Variants in NXPH4 observed in about 807,000 individuals in gnomAD.
NXPH4 encodes neurexophilin-4.
Under a neutral mutation model 21.3 loss-of-function variants are expected in NXPH4, and 8 were observed. The observed-to-expected ratio is 0.38, with a 90% confidence interval of 0.22 to 0.68. The LOEUF is 0.68. Ranked by LOEUF, NXPH4 falls within the 30% of genes least tolerant of loss-of-function variation. The pLI is 0.53. For synonymous variants in NXPH4, 219 were observed against 192.6 expected (o/e 1.14, Z -1.13); for missense variants, 418 against 416.8 (o/e 1.00, Z -0.03).
Position 57,225,854 on chromosome 12 carries a change from C to A in NXPH4, c.*107C>A, listed in dbSNP as rs1291259895. On this transcript the variant is annotated 3_prime_UTR_variant, in exon 2 of 2. Transcript: ENST00000349394. ...CCTGTGGCCATGTCGCCCACTCCTT[C>A]CACTCTGGGGGCGGAGGGGAATGGC... The A allele has an allele frequency of 6.7e-7, 1 of 1,499,584 alleles. No individual in the cohort carries two copies. The highest frequency in any genetic ancestry group is 1.4e-5 in the African/African-American group (1 of 71,462). The allele number at this position is 1,499,584 out of a possible 1,614,324, so 92.9% of individuals were successfully genotyped here.
In NXPH4 at chr12:57,225,896, C is replaced by G. The variant is rs1592676228; in HGVS notation, c.*149C>G. The G allele has an allele frequency of 5.5e-6, 8 of 1,445,568 alleles. No individual in the cohort carries two copies. In the East Asian group the frequency reaches 2.0e-4, roughly 36 times the overall value. 89.5% of individuals were successfully genotyped at this position (1,445,568 alleles called of 1,614,324 possible). A position where few individuals can be genotyped will look rare whatever the true frequency, so the allele number is the denominator to read the frequency against. The stretch of plus-strand genomic sequence containing the variant: ...GGGAATGGCTTCTCGGGACCCTCAG[C>G]TAGCGTGGGTGCCCTTTTCCTTATG... On this transcript the variant is annotated 3_prime_UTR_variant, in exon 2 of 2. Transcript: ENST00000349394.
intron 1 of NXPH4, chr12:57,219,897 A>T (rs1425697211): frequency 6.6e-6 from 1 of 152,602 alleles, no homozygotes; most frequent in African/African-American, 2.4e-5. Flanking sequence ...GAGGTGAGGT[A>T]ATAAGGACAG....
chr12:57,220,539 C>T (rs905041864), intron 1 of NXPH4, among the ~76,000 whole-genome samples: 4 of 152,218 alleles, frequency 2.6e-5, no homozygotes, highest in Admixed American at 6.5e-5. Flanking sequence ...GTCAGGCAGG[C>T]AGGGGTAGAG....
intron 1 of NXPH4, among the ~76,000 whole-genome samples, chr12:57,218,827 G>A (rs914751286): frequency 2.6e-5 from 4 of 152,196 alleles, no homozygotes; most frequent in African/African-American, 9.7e-5. Context: ...GTGGGTATAT[G>A]AGTGTTTGTG....
chr12:57,217,952 A>G (rs1309017813), intron 1 of NXPH4, among the ~76,000 whole-genome samples: 1 of 152,164 alleles, frequency 6.6e-6, no homozygotes, highest in Non-Finnish European at 1.5e-5. Context: ...AGTGAGTGTC[A>G]GTGCCTGCCT....
intron 1 of NXPH4, among the ~76,000 whole-genome samples, chr12:57,222,416 G>C (rs2037101144): frequency 2.0e-5 from 3 of 151,530 alleles, no homozygotes; most frequent in Admixed American, 1.3e-4. Context: ...AATCACCCCA[G>C]CCAGGTTCTG....
At position 57,216,980 on chromosome 12, in the gene NXPH4, T is replaced by C. The variant is rs1349529348; in HGVS notation, c.11T>C (p.Leu4Pro). 4 of 1,603,238 alleles carry C rather than the reference T, an allele frequency of 2.5e-6. No individual in the cohort carries two copies. Among genetic ancestry groups the C allele is most frequent in the South Asian group, 2.2e-5 (2 of 89,428 alleles). The change falls in exon 1 of 2, where the codon CTC (leucine) becomes CCC (proline). Residue 4 changes from leucine (L) to proline (P), a missense_variant. By Grantham distance (98) the Leu-to-Pro change is moderately conservative (BLOSUM62 -3). Coordinates refer to ENST00000349394, the MANE Select transcript of NXPH4 (RefSeq NM_007224.4). This position sits in a 1 kb window ranked among gnomAD's most constrained non-coding sequence, Gnocchi z 5.3. ...CAGCCGCCAGAGAAGATGCGGCTGC[T>C]CCCGGAATGGTTCCTCTTGCTCTTT... MRL[L>P]PEWFLLLFGP...
chr12:57,225,763 A>G lies in NXPH4; in HGVS notation c.*16A>G. On this transcript the variant is annotated 3_prime_UTR_variant, in exon 2 of 2. Coordinates refer to ENST00000349394, the MANE Select transcript of NXPH4 (RefSeq NM_007224.4). ...CTTCGGATAGCGCCCCTCCCCAGCCAGTCCTGAGCCTCCCGCCAAATCCCA... is the reference window on the plus strand; with the variant it reads ...CTTCGGATAGCGCCCCTCCCCAGCCGGTCCTGAGCCTCCCGCCAAATCCCA... The G allele has an allele frequency of 6.3e-7, 1 of 1,598,252 alleles. No homozygotes were observed. The highest frequency in any genetic ancestry group is 8.6e-7 in the Non-Finnish European group (1 of 1,169,276).
intron 1 of NXPH4, 126 bp from the exon 2 acceptor site, chr12:57,224,752 G>T: frequency 2.3e-6 from 1 of 436,704 alleles, no homozygotes; most frequent in Non-Finnish European, 4.0e-6. Flanking sequence ...CTCCCTGCCC[G>T]CTGCGGGACT....
In NXPH4 at chr12:57,225,433, G is replaced by C. The variant is rs776098615; in HGVS notation, c.613G>C (p.Gly205Arg). The change falls in exon 2 of 2, where the codon GGG becomes CGG. Residue 205 changes from glycine to arginine, a missense_variant. Gly to Arg is a moderately radical substitution (Grantham distance 125). Transcript: ENST00000349394. ...AGCAGCAGCGGCGGGGCCCGGGCTT[G>C]GGGGCTCCCTCGGGGGCGCACTGGC... ...MAAAAAGPGL[G>R]GSLGGALAGP... The C allele has an allele frequency of 1.9e-6, 3 of 1,603,136 alleles. No homozygotes were observed. The South Asian group carries it at 3.3e-5, about 18-fold the overall frequency.
At chr12:57,219,357 T>C (rs758721969) in intron 1 of NXPH4, among the ~76,000 whole-genome samples, 5 of 152,142 alleles carry the variant, frequency 3.3e-5, no homozygotes, top group Admixed American at 2.0e-4. Context: ...TCTCATACAG[T>C]CTCTGACTCC....
intron 1 of NXPH4, among the ~76,000 whole-genome samples, chr12:57,222,922 G>C (rs1005039704): frequency 1.3e-5 from 2 of 152,168 alleles, no homozygotes; most frequent in Non-Finnish European, 2.9e-5. Context: ...TGGCGGGGAC[G>C]GGGACCAGGC....
intron 1 of NXPH4, among the ~76,000 whole-genome samples, chr12:57,222,476 T>C (rs1410681295): frequency 1.3e-5 from 2 of 152,150 alleles, no homozygotes; most frequent in Non-Finnish European, 2.9e-5. Flanking sequence ...GGAGATGGCT[T>C]GGAGGCATTT....
intron 1 of NXPH4, among the ~76,000 whole-genome samples, chr12:57,218,884 A>G (rs188816287): frequency 1.4e-4 from 22 of 152,242 alleles, no homozygotes; most frequent in Admixed American, 3.3e-4. Context: ...AGTGTGGCGT[A>G]TGCACATGTA....
chr12:57,223,094 G>A (rs1053761352), intron 1 of NXPH4, among the ~76,000 whole-genome samples: 2 of 152,126 alleles, frequency 1.3e-5, no homozygotes, highest in Admixed American at 1.3e-4. Flanking sequence ...CACCTCCCCA[G>A]AGACCACTCA....
intron 1 of NXPH4, among the ~76,000 whole-genome samples, chr12:57,218,493 C>T (rs1221276547): frequency 6.6e-6 from 1 of 152,230 alleles, no homozygotes; most frequent in East Asian, 1.9e-4. Context: ...ATGGCATTCT[C>T]TTGCCCCTCC....
chr12:57,223,139 G>A lies in NXPH4; in HGVS notation c.58-1739G>A, dbSNP rs115055140. The stretch of plus-strand genomic sequence containing the variant: ...GACATGCATGTATGTCACCCCCATC[G>A]GAACACAGCAAGACCACACTTGTTC... On this transcript the variant is annotated intron_variant, in intron 1 of 1. Coordinates refer to ENST00000349394, the MANE Select transcript of NXPH4 (RefSeq NM_007224.4). 8.6e-3 allele frequency among the ~76,000 whole-genome samples: 1,306 copies of A among 152,212 alleles called. 18 individuals carry two copies. The highest frequency in any genetic ancestry group is 0.03 in the African/African-American group (1,230 of 41,496).
At position 57,225,670 on chromosome 12, in the gene NXPH4, C is replaced by G. The variant is rs1294678481; in HGVS notation, c.850C>G (p.Leu284Val). 3.1e-6 allele frequency: 5 copies of G among 1,613,820 alleles called. No homozygotes were observed. The highest frequency in any genetic ancestry group is 4.2e-6 in the Non-Finnish European group (5 of 1,180,032). Residue 284 changes from leucine (L) to valine (V), a missense_variant, in exon 2 of 2, where the codon CTC becomes GTC. Coordinates refer to ENST00000349394, the MANE Select transcript of NXPH4 (RefSeq NM_007224.4). ...AGTCATCTGTATCTTCGTCTCTTTC[C>G]TCAGCTTTGACTACAAACTGGTGCA... ...FKVICIFVSF[L>V]SFDYKLVQKV...
At chr12:57,221,419 G>T (rs2037090816) in intron 1 of NXPH4, 1 of 449,738 alleles carries the variant, frequency 2.2e-6, no homozygotes, top group African/African-American at 2.0e-5. Context: ...GGTGCACCCT[G>T]CAATGCGGCT....
Sources: gnomAD v4.1 joint callset for allele counts (sites outside exome capture counted in the v4.1 genomes callset) on GRCh38, gnomAD v4.1.1 for gene constraint, Gnocchi (gnomAD v3.1) non-coding constraint, MANE v1.5 for transcripts, NCBI Gene and HGNC (gene_info 2026-07-23, HGNC 2026-07-21) for gene names.